The following UNC5D variants were observed in gnomAD, a reference collection of about 807,000 sequenced individuals.
The protein encoded by UNC5D is netrin receptor UNC5D.
UNC5D carries 39 observed loss-of-function variants against 105.4 expected under a neutral mutation model. The observed-to-expected ratio is 0.37, with a 90% CI of 0.29 to 0.48. The LOEUF (loss-of-function observed/expected upper bound fraction) is 0.48. Ranked by LOEUF, UNC5D falls within the 20% of genes least tolerant of loss-of-function variation. UNC5D has a pLI of 0.98. For synonymous variants in UNC5D, 452 were observed against 450.4 expected, an observed-to-expected ratio of 1.00 and a Z score of -0.04; for missense variants, 991 against 1,202.4, an observed-to-expected ratio of 0.82 and a Z score of 2.60.
chr8:35,348,241 A>C (rs1444777192), intron 1 of UNC5D, among the ~76,000 whole-genome samples: 6 of 151,858 alleles, frequency 4.0e-5, no homozygotes, highest in African/African-American at 1.2e-4. Context: ...AAAAAATTAT[A>C]TATATATTAG....
chr8:35,417,257 T>G (rs556342813), intron 1 of UNC5D, among the ~76,000 whole-genome samples: 1 of 151,550 alleles, frequency 6.6e-6, no homozygotes, highest in South Asian at 2.1e-4. Flanking sequence ...CTTCTCACCT[T>G]CTGGTAGCCA....
At chr8:35,456,223 G>A (rs1303477576) in intron 1 of UNC5D, among the ~76,000 whole-genome samples, 6 of 151,994 alleles carry the variant, frequency 3.9e-5, no homozygotes, top group East Asian at 1.9e-4. Flanking sequence ...TTTCCAATCC[G>A]GATTACTAAA....
Position 35,235,790 on chromosome 8 carries a change from G to A in UNC5D, c.6G>A (p.Gly2=), listed in dbSNP as rs1002127782. 1.6e-6 allele frequency: 2 copies of A among 1,229,716 alleles called. No homozygotes were observed. Among genetic ancestry groups the A allele is most frequent in the African/African-American group, 3.1e-5 (2 of 64,242 alleles). 76.2% of individuals were successfully genotyped at this position (1,229,716 alleles called of 1,614,324 possible). A position where few individuals can be genotyped will look rare whatever the true frequency, so the allele number is the denominator to read the frequency against. The change falls in exon 1 of 17, where the codon GGG becomes GGA. Residue 2 remains glycine, a synonymous_variant. Coordinates refer to ENST00000404895, the MANE Select transcript of UNC5D (RefSeq NM_080872.4). M[G]RAAATAGGGG... ...TCCGGAACGCGGCGAGGAGCATGGG[G>A]AGAGCGGCGGCCACCGCAGGCGGCG...
chr8:35,249,110 ATAT>A (rs2128809943), intron 1 of UNC5D, among the ~76,000 whole-genome samples: 1 of 130,110 alleles, frequency 7.7e-6, no homozygotes, highest in South Asian at 2.2e-4. Flanking sequence ...AAAAATATAT[ATAT>A]TATATATATA....
Position 35,347,918 on chromosome 8 carries a change from G to A in UNC5D, c.103+112031G>A, listed in dbSNP as rs193066743. On this transcript the variant is annotated intron_variant, in intron 1 of 16. Transcript: ENST00000404895. ...CGAATGAAGATCTAACAGAAACACA[G>A]CTGAGAATAACCTGTGATTGGGAAC... Among the ~76,000 whole-genome samples the A allele has an allele frequency of 8.5e-5, 13 of 152,184 alleles. No individual in the cohort carries two copies. In the East Asian group the frequency reaches 2.5e-3, roughly 29 times the overall value.
intron 4 of UNC5D, among the ~76,000 whole-genome samples, chr8:35,673,702 T>G (rs1216372440): frequency 6.6e-6 from 1 of 152,148 alleles, no homozygotes; most frequent in African/African-American, 2.4e-5. Flanking sequence ...CTTTGCCTTT[T>G]CCTCATGATC....
intron 4 of UNC5D, among the ~76,000 whole-genome samples, chr8:35,660,909 T>C (rs1824064621): frequency 6.6e-6 from 1 of 152,002 alleles, no homozygotes; most frequent in East Asian, 1.9e-4. Flanking sequence ...CTGGGTAACA[T>C]AGTGAGACCC....
At chr8:35,786,966 G>T (rs565669817) in intron 16 of UNC5D, among the ~76,000 whole-genome samples, 1 of 152,270 alleles carries the variant, frequency 6.6e-6, no homozygotes, top group African/African-American at 2.4e-5. Flanking sequence ...TGAAATCTGT[G>T]TGACAATCAA....
At chr8:35,456,428 A>G (rs1345335996) in intron 1 of UNC5D, among the ~76,000 whole-genome samples, 3 of 152,206 alleles carry the variant, frequency 2.0e-5, no homozygotes, top group Non-Finnish European at 2.9e-5. Flanking sequence ...CCACTGCTGA[A>G]GGTCACAACA....
rs142313104 is a variant in UNC5D at position 35,613,726 on chromosome 8, G to T, written c.570+18069G>T. ...TAGCCAGGCATGGTGGTGCATGCTT[G>T]TAATTCCAGCTACTTGAGTGGCTGA... On this transcript the variant is annotated intron_variant, in intron 4 of 16. Transcript: ENST00000404895. 5.8e-3 allele frequency among the ~76,000 whole-genome samples: 881 copies of T among 152,268 alleles called. 4 individuals carry two copies. The highest frequency in any genetic ancestry group is 0.02 in the African/African-American group (850 of 41,564).
intron 1 of UNC5D, among the ~76,000 whole-genome samples, chr8:35,287,250 A>G (rs941977947): frequency 2.0e-5 from 3 of 152,226 alleles, no homozygotes; most frequent in Non-Finnish European, 4.4e-5. Context: ...AAAAGAAACC[A>G]ATAAAGCTTG....
chr8:35,418,633 C>T lies in UNC5D; in HGVS notation c.104-130659C>T, dbSNP rs182778492. ...TCAGTTCCTGATTGTTACATAAAAA[C>T]AAGAAAAGGCGAGAATTAATTGGGA... On this transcript the variant is annotated intron_variant, in intron 1 of 16. Transcript: ENST00000404895. 2.6e-3 allele frequency among the ~76,000 whole-genome samples: 399 copies of T among 152,286 alleles called. 2 individuals are homozygous for T. Among genetic ancestry groups the T allele is most frequent in the African/African-American group, 9.0e-3 (373 of 41,576 alleles).
At chr8:35,525,671 G>A (rs1586047403) in intron 1 of UNC5D, 2 of 1,611,406 alleles carry the variant, frequency 1.2e-6, no homozygotes, top group Non-Finnish European at 1.7e-6. Flanking sequence ...GGTAGTCAAA[G>A]GCTACCACCT....
intron 1 of UNC5D, among the ~76,000 whole-genome samples, chr8:35,471,811 T>A (rs952534651): frequency 1.3e-5 from 2 of 152,222 alleles, no homozygotes; most frequent in African/African-American, 4.8e-5. Flanking sequence ...TAGAATGTGA[T>A]GTTTGGTGAG....
At chr8:35,690,934 C>A (rs1826348956) in intron 7 of UNC5D, among the ~76,000 whole-genome samples, 1 of 152,184 alleles carries the variant, frequency 6.6e-6, no homozygotes, top group African/African-American at 2.4e-5. Context: ...CAATTTCCAC[C>A]TTCTCGTGGA....
At chr8:35,755,454 A>G (rs2131663815) in intron 13 of UNC5D, among the ~76,000 whole-genome samples, 1 of 149,884 alleles carries the variant, frequency 6.7e-6, no homozygotes, top group South Asian at 2.1e-4. Flanking sequence ...AAAGGAAAGC[A>G]CCATAGCGAC....
At chr8:35,397,175 G>T (rs1341995096) in intron 1 of UNC5D, among the ~76,000 whole-genome samples, 2 of 152,136 alleles carry the variant, frequency 1.3e-5, no homozygotes, top group Admixed American at 1.3e-4. Context: ...CAAAGTGCTG[G>T]GATTACAGGT....
intron 4 of UNC5D, among the ~76,000 whole-genome samples, chr8:35,610,241 G>A (rs1211766922): frequency 3.9e-5 from 6 of 151,918 alleles, no homozygotes; most frequent in South Asian, 2.1e-4. Context: ...TTTAAAGCTC[G>A]ATCTGTCCTT....
At chr8:35,455,772 G>A (rs1455960937) in intron 1 of UNC5D, among the ~76,000 whole-genome samples, 2 of 151,998 alleles carry the variant, frequency 1.3e-5, no homozygotes, top group Non-Finnish European at 1.5e-5. Context: ...CATCTTACAT[G>A]GTGGTAGGCA....
Sources: allele counts gnomAD v4.1 joint callset (sites outside exome capture counted in the v4.1 genomes callset), GRCh38; gene constraint gnomAD v4.1.1; transcripts MANE v1.5; gene names NCBI Gene and HGNC (gene_info 2026-07-23, HGNC 2026-07-21).